The following PRELID2 variants were observed in gnomAD, a reference collection of about 807,000 sequenced individuals.
PRELID2 encodes the protein PRELI domain-containing protein 2.
A neutral mutation model predicts 28.4 loss-of-function variants in PRELID2; 25 were observed. The ratio of observed to expected loss-of-function variants is 0.88; its 90% CI spans 0.64 to 1.23. The LOEUF is 1.23. Ranked by LOEUF, PRELID2 falls within the 50% of genes most tolerant of loss-of-function variation. PRELID2 has a pLI of 0.00. For synonymous variants in PRELID2, 76 were observed against 71.6 expected (o/e 1.06, Z -0.31); for missense variants, 201 against 214.4 (o/e 0.94, Z 0.39).
chr5:145,370,838 T>C, the PRELID2 span, among the ~76,000 whole-genome samples: 2 of 152,062 alleles, frequency 1.3e-5, no homozygotes, highest in African/African-American at 2.4e-5. Flanking sequence ...TTCACATCTC[T>C]GTTAGCTGTA....
At chr5:145,489,773 G>A (rs916147190) in intron 1 of PRELID2, among the ~76,000 whole-genome samples, 1 of 152,176 alleles carries the variant, frequency 6.6e-6, no homozygotes, top group African/African-American at 2.4e-5. Context: ...AAGATAAAAT[G>A]ATTGGAGGGA....
At chr5:145,418,368 C>A in the PRELID2 span, among the ~76,000 whole-genome samples, 10 of 152,024 alleles carry the variant, frequency 6.6e-5, no homozygotes, top group Non-Finnish European at 1.3e-4. Flanking sequence ...TTATATTCTT[C>A]ACAGAATTAG....
intron 6 of PRELID2, among the ~76,000 whole-genome samples, chr5:145,760,778 T>A (rs1299993178): frequency 6.6e-6 from 1 of 152,252 alleles, no homozygotes; most frequent in African/African-American, 2.4e-5. Flanking sequence ...GTCTTAATCA[T>A]TCCAGTGTGA....
the PRELID2 span, among the ~76,000 whole-genome samples, chr5:145,459,813 A>T: frequency 5.6e-5 from 8 of 141,954 alleles, no homozygotes; most frequent in South Asian, 2.2e-4. Context: ...TTACAATTTA[A>T]TTTTTTTTTT....
At chr5:145,458,787 T>A in the PRELID2 span, among the ~76,000 whole-genome samples, 1 of 152,192 alleles carries the variant, frequency 6.6e-6, no homozygotes, top group African/African-American at 2.4e-5. Flanking sequence ...TTGGTACATA[T>A]TTTACAAATG....
intron 1 of PRELID2, among the ~76,000 whole-genome samples, chr5:145,726,661 A>G (rs1405679451): frequency 6.6e-6 from 1 of 152,218 alleles, no homozygotes; most frequent in African/African-American, 2.4e-5. Context: ...GGGAGAATGG[A>G]TAGGCAAAGT....
At chr5:145,490,870 T>C (rs1383581080) in intron 1 of PRELID2, among the ~76,000 whole-genome samples, 1 of 152,142 alleles carries the variant, frequency 6.6e-6, no homozygotes, top group East Asian at 1.9e-4. Context: ...CTTCCTTTGG[T>C]ATACGGGACA....
At chr5:145,781,075 C>G (rs986811122) in intron 5 of PRELID2, among the ~76,000 whole-genome samples, 1 of 152,226 alleles carries the variant, frequency 6.6e-6, no homozygotes, top group African/African-American at 2.4e-5. Flanking sequence ...CTCCTCCCCA[C>G]CGCCTTCCTG....
chr5:145,598,077 T>C (rs1206557406), intron 1 of PRELID2, among the ~76,000 whole-genome samples: 1 of 152,104 alleles, frequency 6.6e-6, no homozygotes, highest in African/African-American at 2.4e-5. Flanking sequence ...AAAAGTTCAA[T>C]ATTTAGATAG....
the PRELID2 span, among the ~76,000 whole-genome samples, chr5:145,303,603 T>C: frequency 2.0e-5 from 3 of 152,312 alleles, no homozygotes; most frequent in Admixed American, 6.5e-5. Flanking sequence ...TGGGCAGCCA[T>C]CTGTGAGCTT....
At chr5:145,812,167 C>G (rs1005236510) in intron 4 of PRELID2, among the ~76,000 whole-genome samples, 1 of 152,066 alleles carries the variant, frequency 6.6e-6, no homozygotes, top group African/African-American at 2.4e-5. Context: ...GGCTAGGAGA[C>G]AGGTTCCCTC....
the PRELID2 span, among the ~76,000 whole-genome samples, chr5:145,421,255 G>C: frequency 6.8e-6 from 1 of 147,788 alleles, no homozygotes; most frequent in South Asian, 2.1e-4. Context: ...CATAAAATGA[G>C]TTAGGGAGGA....
the PRELID2 span, among the ~76,000 whole-genome samples, chr5:145,341,716 G>GA: frequency 1.2e-3 from 154 of 131,012 alleles, no homozygotes; most frequent in Non-Finnish European, 1.3e-3. Flanking sequence ...CAAAATTTTA[G>GA]AAAAAAAAAA....
At chr5:145,472,742 T>C (rs1015652878) in intron 2 of PRELID2, among the ~76,000 whole-genome samples, 1 of 152,092 alleles carries the variant, frequency 6.6e-6, no homozygotes, top group Non-Finnish European at 1.5e-5. Context: ...TTTCCTTGTC[T>C]TCCTGCTAGA....
At chr5:145,554,833 A>C (rs1324966206) in intron 1 of PRELID2, among the ~76,000 whole-genome samples, 1 of 152,226 alleles carries the variant, frequency 6.6e-6, no homozygotes, top group Non-Finnish European at 1.5e-5. Context: ...CAGTTTCTGA[A>C]GGCAGACAAT....
intron 1 of PRELID2, among the ~76,000 whole-genome samples, chr5:145,666,022 C>T: frequency 6.7e-6 from 1 of 149,380 alleles, no homozygotes; most frequent in South Asian, 2.1e-4. Flanking sequence ...AAAGAAAGTA[C>T]TATTTATTCT....
At position 145,756,772 on chromosome 5, in the gene PRELID2, T is replaced by C. The variant is rs773086792; in HGVS notation, c.*3764A>G. On this transcript the variant is annotated 3_prime_UTR_variant, in exon 7 of 7. Coordinates refer to ENST00000683046, the MANE Select transcript of PRELID2 (RefSeq NM_205846.3). ...AAATCCTCTCTACTCTTATTCAACA[T>C]ATAGTATGCAGTTACACAATTTCCC... Among the ~76,000 whole-genome samples the C allele has an allele frequency of 5.3e-5, 8 of 152,106 alleles. No individual in the cohort carries two copies. The highest frequency in any genetic ancestry group is 4.8e-5 in the African/African-American group (2 of 41,410).
intron 1 of PRELID2, among the ~76,000 whole-genome samples, chr5:145,473,643 A>G (rs1293482213): frequency 6.6e-6 from 1 of 152,148 alleles, no homozygotes; most frequent in African/African-American, 2.4e-5. Context: ...GACAGTGCAG[A>G]GTAAAATTTG....
intron 1 of PRELID2, among the ~76,000 whole-genome samples, chr5:145,555,018 C>G (rs1249232164): frequency 6.6e-6 from 1 of 152,106 alleles, no homozygotes. Flanking sequence ...CCAAAGTTAC[C>G]TTGTTAACCT....
Sources: allele counts gnomAD v4.1 joint callset (sites outside exome capture counted in the v4.1 genomes callset), GRCh38; gene constraint gnomAD v4.1.1; transcripts MANE v1.5; gene names NCBI Gene and HGNC (gene_info 2026-07-23, HGNC 2026-07-21).